Variants in TESMIN observed in about 807,000 individuals in gnomAD.
The protein encoded by TESMIN is CXC domain containing 2.
A neutral mutation model predicts 47.4 loss-of-function variants in TESMIN; 34 were observed. The observed-to-expected ratio is 0.72, with a 90% CI of 0.55 to 0.96. The LOEUF (loss-of-function observed/expected upper bound fraction) is 0.96. Ranked by LOEUF, TESMIN falls within the 40% of genes least tolerant of loss-of-function variation. The pLI, the probability that TESMIN is intolerant of heterozygous loss-of-function variation, is 0.00. For synonymous variants in TESMIN, 278 were observed against 258.9 expected (o/e 1.07, Z -0.71); for missense variants, 610 against 637.2 (o/e 0.96, Z 0.46).
intron 4 of TESMIN, 112 bp from the exon 5 acceptor site, chr11:68,742,506 C>A: frequency 1.7e-6 from 1 of 588,452 alleles, no homozygotes. Context: ...AAAGTTATTT[C>A]AACTTATCTT....
chr11:68,712,265 G>T (rs951534403), intron 8 of TESMIN, among the ~76,000 whole-genome samples: 1 of 152,224 alleles, frequency 6.6e-6, no homozygotes. Flanking sequence ...CTGTGGGTGC[G>T]ATTGGAAGTG....
intron 6 of TESMIN, among the ~76,000 whole-genome samples, chr11:68,731,877 A>G (rs376785711): frequency 2.0e-5 from 3 of 152,366 alleles, no homozygotes; most frequent in South Asian, 4.1e-4. Context: ...CTGGTTTCTC[A>G]GTGATGGATT....
intron 5 of TESMIN, among the ~76,000 whole-genome samples, chr11:68,739,034 T>C (rs138645757): frequency 2.3e-3 from 351 of 152,350 alleles, no homozygotes; most frequent in African/African-American, 8.0e-3. Context: ...GATGCAGGGC[T>C]GGCCTCCACG....
Position 68,708,084 on chromosome 11 carries a change from C to G in TESMIN, c.*224G>C, listed in dbSNP as rs1229373375. On this transcript the variant is annotated 3_prime_UTR_variant, in exon 10 of 10. Coordinates refer to ENST00000255087, the MANE Select transcript of TESMIN (RefSeq NM_004923.3). ...TCCCAGGACTATGGGAACCCAAGCT[C>G]TCTCCTCTGGGCCAGACAAACAATG... The G allele has an allele frequency of 5.5e-6, 3 of 543,408 alleles. No individual in the cohort carries two copies. The East Asian group carries it at 9.4e-5, about 17-fold the overall frequency. 33.7% of individuals were successfully genotyped at this position (543,408 alleles called of 1,614,324 possible).
intron 9 of TESMIN, among the ~76,000 whole-genome samples, chr11:68,708,944 G>T (rs953947915): frequency 6.6e-6 from 1 of 151,954 alleles, no homozygotes; most frequent in African/African-American, 2.4e-5. Context: ...GTAGAGACAG[G>T]GTTTTGCCAT....
downstream of TESMIN, among the ~76,000 whole-genome samples, chr11:68,706,344 C>T (rs1467295930): frequency 1.3e-5 from 2 of 152,348 alleles, no homozygotes; most frequent in South Asian, 2.1e-4. Flanking sequence ...CACCTCCAGG[C>T]GTTAGCTCAG....
At chr11:68,743,120 C>T (rs562618200) in intron 4 of TESMIN, among the ~76,000 whole-genome samples, 6 of 152,316 alleles carry the variant, frequency 3.9e-5, no homozygotes, top group African/African-American at 1.4e-4. Flanking sequence ...TCGAGCAATC[C>T]TCCGGCCTGG....
intron 4 of TESMIN, among the ~76,000 whole-genome samples, chr11:68,742,685 T>C (rs889634673): frequency 1.3e-5 from 2 of 152,140 alleles, no homozygotes; most frequent in Admixed American, 6.5e-5. Flanking sequence ...GGTTCCCAAA[T>C]TGTGTGCCAA....
intron 9 of TESMIN, among the ~76,000 whole-genome samples, chr11:68,710,050 C>G (rs1946044162): frequency 6.6e-6 from 1 of 152,106 alleles, no homozygotes; most frequent in Non-Finnish European, 1.5e-5. Flanking sequence ...CCCAGCTACT[C>G]AGGAGGCTGA....
At chr11:68,719,089 A>AG (rs1946174946) in intron 6 of TESMIN, among the ~76,000 whole-genome samples, 1 of 152,200 alleles carries the variant, frequency 6.6e-6, no homozygotes, top group Non-Finnish European at 1.5e-5. Context: ...ATGATAGTAG[A>AG]GGGGGGTCCA....
At chr11:68,708,583 C>T in intron 9 of TESMIN, 83 bp from the exon 10 acceptor site, 1 of 1,195,662 alleles carries the variant, frequency 8.4e-7, no homozygotes, top group Non-Finnish European at 1.1e-6. Flanking sequence ...CAGAACATTG[C>T]TTGTCCATGC....
At chr11:68,709,860 T>G (rs1160640980) in intron 9 of TESMIN, among the ~76,000 whole-genome samples, 1 of 152,158 alleles carries the variant, frequency 6.6e-6, no homozygotes, top group Non-Finnish European at 1.5e-5. Context: ...TTTTGGTAAA[T>G]TTTTACTGAT....
chr11:68,709,264 A>T (rs988158568), intron 9 of TESMIN, among the ~76,000 whole-genome samples: 16 of 152,226 alleles, frequency 1.1e-4, no homozygotes, highest in Non-Finnish European at 2.1e-4. Context: ...AGGAAATTGC[A>T]GAAGCAGGAC....
intron 6 of TESMIN, chr11:68,733,047 GAGCTGAGGGAGGACAGAC>G (rs1392172996): frequency 6.6e-6 from 1 of 152,300 alleles, no homozygotes; most frequent in Non-Finnish European, 1.5e-5. Flanking sequence ...CCCACAGCAA[GAGCTGAGGGAGGACAGAC>G]AGCACAGACA....
chr11:68,725,293 C>T (rs949281995), intron 6 of TESMIN, among the ~76,000 whole-genome samples: 2 of 152,170 alleles, frequency 1.3e-5, no homozygotes, highest in African/African-American at 2.4e-5. Context: ...CTACCTAATG[C>T]CAATCACGAA....
At chr11:68,715,693 C>G in intron 7 of TESMIN, 144 bp downstream of exon 7, 1 of 629,550 alleles carries the variant, frequency 1.6e-6, no homozygotes, top group Admixed American at 3.0e-5. Context: ...AATACCCCCA[C>G]CGGCAGGAAT....
chr11:68,726,785 T>G (rs1490917594), intron 6 of TESMIN, among the ~76,000 whole-genome samples: 2 of 150,928 alleles, frequency 1.3e-5, no homozygotes, highest in Non-Finnish European at 3.0e-5. Context: ...TGCCTGAAAT[T>G]TTAGGGTTTG....
chr11:68,736,471 T>C, intron 6 of TESMIN: 1 of 985,394 alleles, frequency 1.0e-6, no homozygotes, highest in African/African-American at 1.7e-5. Context: ...TCACACGGAA[T>C]GAAATAACCA....
intron 6 of TESMIN, among the ~76,000 whole-genome samples, chr11:68,730,878 T>A (rs1946319218): frequency 6.6e-6 from 1 of 152,136 alleles, no homozygotes; most frequent in South Asian, 2.1e-4. Context: ...TCAGTTTACA[T>A]CAACACCATT....
Sources: gnomAD v4.1 joint callset for allele counts (sites outside exome capture counted in the v4.1 genomes callset) on GRCh38, gnomAD v4.1.1 for gene constraint, MANE v1.5 for transcripts, NCBI Gene and HGNC (gene_info 2026-07-23, HGNC 2026-07-21) for gene names.